The following NCALD variants were observed in gnomAD, a reference collection of about 807,000 sequenced individuals.
NCALD encodes the protein neurocalcin delta.
Under a neutral mutation model 18.6 loss-of-function variants are expected in NCALD, and 10 were observed. The observed-to-expected ratio is 0.54, with a 90% CI of 0.33 to 0.91. The LOEUF (loss-of-function observed/expected upper bound fraction) is 0.91, where lower values mean the gene tolerates loss of function less well. Ranked by LOEUF, NCALD falls within the 40% of genes least tolerant of loss-of-function variation. NCALD has a pLI of 0.03. For missense variants in NCALD, 184 were observed against 247.6 expected (o/e 0.74, Z 1.72); for synonymous variants, 88 against 87.4 (o/e 1.01, Z -0.04).
chr8:101,785,201 C>T (rs1273839159), intron 1 of NCALD, among the ~76,000 whole-genome samples: 3 of 152,158 alleles, frequency 2.0e-5, no homozygotes, highest in African/African-American at 7.2e-5. Context: ...ACTTTGAAGA[C>T]TATCCAGCTT....
At chr8:101,935,320 A>G (rs1205613171) in intron 2 of NCALD, among the ~76,000 whole-genome samples, 1 of 152,216 alleles carries the variant, frequency 6.6e-6, no homozygotes, top group Non-Finnish European at 1.5e-5. Context: ...GACCTAAAGG[A>G]TAAGATTTTA....
chr8:101,974,444 T>C lies in NCALD; in HGVS notation c.-157+45793A>G, dbSNP rs1421888931. On this transcript the variant is annotated intron_variant, in intron 2 of 6. Transcript: ENST00000311028. ...ATGTGGAAATTCTGGAGCCACCCCATGTGACATAGGGAGGCAGTATATTAT... is the reference window on the plus strand; with the variant it reads ...ATGTGGAAATTCTGGAGCCACCCCACGTGACATAGGGAGGCAGTATATTAT... 5.3e-5 allele frequency among the ~76,000 whole-genome samples: 8 copies of C among 152,132 alleles called. No individual in the cohort carries two copies. In the East Asian group the frequency reaches 1.5e-3, roughly 29 times the overall value.
intron 1 of NCALD, among the ~76,000 whole-genome samples, chr8:101,743,754 A>G (rs950585210): frequency 2.0e-5 from 3 of 152,226 alleles, no homozygotes; most frequent in Admixed American, 1.3e-4. Flanking sequence ...CAGATATCAG[A>G]ATCGAATTAT....
intron 2 of NCALD, among the ~76,000 whole-genome samples, chr8:101,967,730 G>A (rs1038239018): frequency 1.3e-5 from 2 of 152,116 alleles, no homozygotes; most frequent in African/African-American, 4.8e-5. Flanking sequence ...CAGCAAGGCA[G>A]CAGAGGGTGA....
intron 4 of NCALD, among the ~76,000 whole-genome samples, chr8:101,805,220 C>A (rs1282502135): frequency 6.6e-6 from 1 of 152,176 alleles, no homozygotes; most frequent in Non-Finnish European, 1.5e-5. Context: ...GAATTAAGAT[C>A]CAGTTCCTCC....
At chr8:101,968,315 A>G (rs541453153) in intron 2 of NCALD, among the ~76,000 whole-genome samples, 13 of 152,322 alleles carry the variant, frequency 8.5e-5, no homozygotes, top group African/African-American at 3.1e-4. Flanking sequence ...CTTAAAAGAA[A>G]AAAAAAAATA....
chr8:101,896,329 T>A (rs1359667848), intron 3 of NCALD, among the ~76,000 whole-genome samples: 1 of 152,002 alleles, frequency 6.6e-6, no homozygotes, highest in Non-Finnish European at 1.5e-5. Context: ...AAGCTGAAAC[T>A]GGATCCCTTC....
chr8:102,073,460 C>T (rs1824244341), intron 1 of NCALD, among the ~76,000 whole-genome samples: 1 of 151,096 alleles, frequency 6.6e-6, no homozygotes, highest in Non-Finnish European at 1.5e-5. Context: ...ACCTATATAC[C>T]TATATATAGA....
chr8:101,965,940 G>C (rs1820009271), intron 2 of NCALD, among the ~76,000 whole-genome samples: 1 of 151,998 alleles, frequency 6.6e-6, no homozygotes, highest in East Asian at 1.9e-4. Context: ...GATCAAAAAG[G>C]GTAAATTGAT....
intron 2 of NCALD, among the ~76,000 whole-genome samples, chr8:101,714,877 G>T (rs1466982473): frequency 6.6e-6 from 1 of 150,740 alleles, no homozygotes; most frequent in African/African-American, 2.5e-5. Flanking sequence ...GGCACCTGTA[G>T]TCCCAGCTAC....
intron 2 of NCALD, among the ~76,000 whole-genome samples, chr8:101,696,969 CAG>C (rs1815022335): frequency 6.6e-6 from 1 of 151,764 alleles, no homozygotes; most frequent in Admixed American, 6.6e-5. Context: ...CAGAAGGAAA[CAG>C]AGACACAAAA....
At chr8:102,045,001 A>G (rs1279222482) in intron 1 of NCALD, among the ~76,000 whole-genome samples, 1 of 152,202 alleles carries the variant, frequency 6.6e-6, no homozygotes, top group South Asian at 2.1e-4. Context: ...TCTACAAAAA[A>G]AGAATAAAGG....
intron 1 of NCALD, among the ~76,000 whole-genome samples, chr8:101,779,590 G>C (rs1811931456): frequency 6.6e-6 from 1 of 152,102 alleles, no homozygotes; most frequent in Non-Finnish European, 1.5e-5. Flanking sequence ...CTGGTCAAAG[G>C]GGAAGGTCAC....
chr8:101,872,040 C>T, intron 4 of NCALD: 1 of 1,276,356 alleles, frequency 7.8e-7, no homozygotes. Flanking sequence ...TGTCTCCTTC[C>T]AAGTAAACAA....
chr8:101,867,900 T>C (rs947757088), intron 4 of NCALD, among the ~76,000 whole-genome samples: 1 of 152,216 alleles, frequency 6.6e-6, no homozygotes, highest in African/African-American at 2.4e-5. Context: ...TGCTCATTCA[T>C]TTGAACCAGG....
At chr8:101,841,457 G>A (rs554821567) in intron 4 of NCALD, among the ~76,000 whole-genome samples, 20 of 152,230 alleles carry the variant, frequency 1.3e-4, no homozygotes, top group East Asian at 5.8e-4. Flanking sequence ...CCTGTGTGTC[G>A]TAGCTTATTT....
At chr8:101,799,779 A>G (rs1586534579) in intron 4 of NCALD, among the ~76,000 whole-genome samples, 1 of 152,180 alleles carries the variant, frequency 6.6e-6, no homozygotes, top group East Asian at 1.9e-4. Context: ...GCAGGTAGGG[A>G]AGCCAGGAAA....
intron 2 of NCALD, among the ~76,000 whole-genome samples, chr8:102,018,430 C>G (rs2132091995): frequency 6.6e-6 from 1 of 152,236 alleles, no homozygotes; most frequent in African/African-American, 2.4e-5. Flanking sequence ...GAACTAACCA[C>G]TGATACTTAT....
upstream of NCALD, among the ~76,000 whole-genome samples, chr8:101,791,266 A>T (rs1367648826): frequency 6.6e-5 from 10 of 152,056 alleles, 1 homozygote; most frequent in Admixed American, 6.5e-4. Context: ...CTCTACAGTT[A>T]CTTGCAGGAA....
Sources: allele counts gnomAD v4.1 joint callset (sites outside exome capture counted in the v4.1 genomes callset), GRCh38; gene constraint gnomAD v4.1.1; transcripts MANE v1.5; gene names NCBI Gene and HGNC (gene_info 2026-07-23, HGNC 2026-07-21).